The following SAMD9 variants were observed in gnomAD, a reference collection of about 807,000 sequenced individuals.
The protein encoded by SAMD9 is sterile alpha motif domain containing 9, also known as sterile alpha motif domain-containing protein 9.
A neutral mutation model predicts 1.5 loss-of-function variants in SAMD9; 3 were observed. That is an observed-to-expected ratio of 2.05 (90% confidence interval 0.93 to 5.29). SAMD9 has a LOEUF of 5.29. Ranked by LOEUF, SAMD9 falls within the 30% of genes most tolerant of loss-of-function variation. SAMD9 has a pLI of 0.02. For missense variants in SAMD9, 1,597 were observed against 1,820.8 expected (o/e 0.88, Z 2.24); for synonymous variants, 635 against 631.9 (o/e 1.00, Z -0.07).
Position 93,103,499 on chromosome 7 carries a change from G to C in SAMD9, c.2599C>G (p.Leu867Val). 6.2e-7 allele frequency: 1 copy of C among 1,613,570 alleles called. No individual in the cohort carries two copies. The highest frequency in any genetic ancestry group is 8.5e-7 in the Non-Finnish European group (1 of 1,179,664). ...LSPKEQRAFELKLKEIKEQHK... is the reference protein window; with the variant it reads ...LSPKEQRAFEVKLKEIKEQHK... The stretch of plus-strand genomic sequence containing the variant: ...TGTTCTTTGATTTCTTTCAATTTAA[G>C]CTCAAAAGCTCTCTGTTCTTTGGGA... The change falls in exon 3 of 3, where the codon CTT becomes GTT. Residue 867 changes from leucine (L) to valine (V), a missense_variant. By Grantham distance (32) the Leu-to-Val change is conservative. Transcript: ENST00000379958.
At position 93,102,923 on chromosome 7, in the gene SAMD9, G is replaced by A. The variant is rs756066590; in HGVS notation, c.3175C>T (p.His1059Tyr). 7.4e-6 allele frequency: 12 copies of A among 1,613,836 alleles called. No individual in the cohort carries two copies. Among genetic ancestry groups the A allele is most frequent in the East Asian group, 4.5e-5 (2 of 44,880 alleles). ...NWFSPFIEAL[H>Y]KDEGNEAVEA... is the part of the protein sequence containing the mutation. ...ACTGCTTCATTTCCTTCATCTTTAT[G>A]TAATGCTTCAATAAATGGGGAAAAC... Residue 1059 changes from histidine (H) to tyrosine (Y), a missense_variant, in exon 3 of 3, where the codon CAT becomes TAT. Coordinates refer to ENST00000379958, the MANE Select transcript of SAMD9 (RefSeq NM_017654.4).
Position 93,103,334 on chromosome 7 carries a change from C to T in SAMD9, c.2764G>A (p.Ala922Thr), listed in dbSNP as rs369626579. The T allele has an allele frequency of 1.6e-5, 26 of 1,613,448 alleles. No homozygotes were observed. The highest frequency in any genetic ancestry group is 2.2e-5 in the Non-Finnish European group (26 of 1,179,618). ...TKEAKLFSFL[A>T]LLNSYVPDTT... ...TCAGGCACATATGAATTAAGAAGAG[C>T]CAGAAAAGAAAAGAGCTTTGCTTCC... The change falls in exon 3 of 3, where the codon GCT becomes ACT. Residue 922 changes from alanine (A) to threonine (T), a missense_variant. Ala to Thr is a moderately conservative substitution (Grantham distance 58). Around this residue, in one of 6 missense-constraint regions of SAMD9, gnomAD observed 682 missense variants for 810.0 expected, o/e 0.84. Transcript: ENST00000379958.
chr7:93,108,148 C>A (rs1791675342), intron 2 of SAMD9, among the ~76,000 whole-genome samples: 6 of 152,180 alleles, frequency 3.9e-5, no homozygotes, highest in Admixed American at 3.9e-4. Flanking sequence ...CCGTGCCTTG[C>A]CGTGCCTCGC....
Position 93,105,526 on chromosome 7 carries a change from A to C in SAMD9, c.572T>G (p.Ile191Ser). The C allele has an allele frequency of 1.2e-6, 2 of 1,614,108 alleles. No individual in the cohort carries two copies. The highest frequency in any genetic ancestry group is 2.2e-5 in the South Asian group (2 of 91,080). The change falls in exon 3 of 3, where the codon ATT becomes AGT. Residue 191 changes from isoleucine (I) to serine (S), a missense_variant. By Grantham distance (142) the Ile-to-Ser change is moderately radical. Coordinates refer to ENST00000379958, the MANE Select transcript of SAMD9 (RefSeq NM_017654.4). ...LQPETGPGNL[I>S]DPIHEFKAFT... ...GGCTTTGAATTCATGTATCGGATCA[A>C]TGAGATTGCCTGGTCCTGTTTCAGG...
At position 93,104,961 on chromosome 7, in the gene SAMD9, T is replaced by G. The variant is rs779477356; in HGVS notation, c.1137A>C (p.Lys379Asn). ...LAESRKAAEE[K>N]FRAKTNKKER... is the part of the protein sequence containing the mutation. ...CTTTTTTATTTGTTTTTGCTCTGAA[T>G]TTTTCTTCTGCTGCTTTTCTGGACT... The change falls in exon 3 of 3, where the codon AAA becomes AAC. Residue 379 changes from lysine (K) to asparagine (N), a missense_variant. By Grantham distance (94) the Lys-to-Asn change is moderately conservative. Coordinates refer to ENST00000379958, the MANE Select transcript of SAMD9 (RefSeq NM_017654.4). 9.3e-6 allele frequency: 15 copies of G among 1,611,260 alleles called. No homozygotes were observed. Among genetic ancestry groups the G allele is most frequent in the Non-Finnish European group, 1.3e-5 (15 of 1,179,306 alleles).
chr7:93,109,258 G>A (rs1017969960), intron 2 of SAMD9, among the ~76,000 whole-genome samples: 1 of 152,088 alleles, frequency 6.6e-6, no homozygotes, highest in African/African-American at 2.4e-5. Context: ...AGAAGGAAAA[G>A]TAACAAACAG....
Position 93,101,350 on chromosome 7 carries a change from G to A in SAMD9, c.4748C>T (p.Ala1583Val), listed in dbSNP as rs771600651. 3.7e-6 allele frequency: 6 copies of A among 1,612,504 alleles called. No individual in the cohort carries two copies. Among genetic ancestry groups the A allele is most frequent in the African/African-American group, 1.3e-5 (1 of 75,026 alleles). The change falls in exon 3 of 3, where the codon GCT becomes GTT. Residue 1583 changes from alanine (A) to valine (V), a missense_variant. Around this residue, in one of 6 missense-constraint regions of SAMD9, gnomAD observed 682 missense variants for 810.0 expected, o/e 0.84. Transcript: ENST00000379958. Reference sequence around the variant, plus strand: ...CTCTTAAACAATTTCAATGTCATAAGCAAGTGGGCCTCCAATGGAAAATCC... The same window carrying A: ...CTCTTAAACAATTTCAATGTCATAAACAAGTGGGCCTCCAATGGAAAATCC... ...YLGFSIGGPLAYDIEIV is the reference protein window; with the variant it reads ...YLGFSIGGPLVYDIEIV
In SAMD9 at chr7:93,101,994, T is replaced by G; in HGVS notation, c.4104A>C (p.Glu1368Asp). Residue 1368 changes from glutamate to aspartate, a missense_variant, in exon 3 of 3, where the codon GAA (glutamate) becomes GAC (aspartate). Glu to Asp is a conservative substitution (Grantham distance 45). Around this residue, in one of 6 missense-constraint regions of SAMD9, gnomAD observed 682 missense variants for 810.0 expected, o/e 0.84. Coordinates refer to ENST00000379958, the MANE Select transcript of SAMD9 (RefSeq NM_017654.4). The stretch of plus-strand genomic sequence containing the variant: ...TGCATTGTTCTAAGAGAAAAGTATA[T>G]TCGTTCACTATACATTTCATAGTGC... The part of the protein sequence containing the change: ...AISTMKCIVN[E>D]YTFLLEQCTV... 1 of 1,613,710 alleles carries G rather than the reference T, an allele frequency of 6.2e-7. No homozygotes were observed. Among genetic ancestry groups the G allele is most frequent in the Non-Finnish European group, 8.5e-7 (1 of 1,179,718 alleles).
At chr7:93,111,339 C>T (rs1273208460) in intron 2 of SAMD9, among the ~76,000 whole-genome samples, 1 of 152,138 alleles carries the variant, frequency 6.6e-6, no homozygotes, top group Non-Finnish European at 1.5e-5. Flanking sequence ...CACTAAATGC[C>T]CACAGGAGAT....
chr7:93,104,192 C>A lies in SAMD9; in HGVS notation c.1906G>T (p.Gly636Cys), dbSNP rs529506807. The A allele has an allele frequency of 6.2e-7, 1 of 1,613,782 alleles. No individual in the cohort carries two copies. The highest frequency in any genetic ancestry group is 1.3e-5 in the African/African-American group (1 of 75,008). The change falls in exon 3 of 3, where the codon GGT becomes TGT. Residue 636 changes from glycine (G) to cysteine (C), a missense_variant. This residue lies in a region of SAMD9 where 358 missense variants were observed against 460.4 expected (regional missense o/e 0.78). Transcript: ENST00000379958. Reference sequence around the variant, plus strand: ...TTTTTCAGAAGGACAGTCGATAAACCAATAGATGGCAAAAGCCTTTTTGAA... The same window carrying A: ...TTTTTCAGAAGGACAGTCGATAAACAAATAGATGGCAAAAGCCTTTTTGAA... ...QSSKRLLPSI[G>C]LSTVLLKKEE...
chr7:93,115,898 T>C (rs1791824652), intron 1 of SAMD9, among the ~76,000 whole-genome samples: 2 of 152,160 alleles, frequency 1.3e-5, no homozygotes, highest in African/African-American at 4.8e-5. Context: ...GGTTTTAGAG[T>C]TGTCTAAAAA....
At chr7:93,117,188 G>A (rs1297537772) in intron 1 of SAMD9, among the ~76,000 whole-genome samples, 1 of 152,186 alleles carries the variant, frequency 6.6e-6, no homozygotes, top group Non-Finnish European at 1.5e-5. Flanking sequence ...AGAGTAGATG[G>A]TGGAAGTTGT....
At position 93,102,871 on chromosome 7, in the gene SAMD9, T is replaced by C. The variant is rs1273026568; in HGVS notation, c.3227A>G (p.His1076Arg). Residue 1076 changes from histidine (H) to arginine (R), a missense_variant, in exon 3 of 3, where the codon CAT becomes CGT. By Grantham distance (29) the His-to-Arg change is conservative (BLOSUM62 0). Transcript: ENST00000379958. ...AATGAATGCATTTGGGTTGAACCGA[T>C]GGATACTTTCAAGCAATACAGCTTC... Reference protein sequence around the residue: ...AVEAVLLESIHRFNPNAFICQ... With the variant: ...AVEAVLLESIRRFNPNAFICQ... 7 of 1,613,732 alleles carry C rather than the reference T, an allele frequency of 4.3e-6. No individual in the cohort carries two copies. Among genetic ancestry groups the C allele is most frequent in the Middle Eastern group, 1.6e-4 (1 of 6,084 alleles).
At chr7:93,117,525 T>C (rs1331072975) in intron 1 of SAMD9, among the ~76,000 whole-genome samples, 2 of 152,098 alleles carry the variant, frequency 1.3e-5, no homozygotes, top group African/African-American at 4.8e-5. Flanking sequence ...CCTCAAACAA[T>C]TCTCCTGTCC....
In SAMD9 at chr7:93,103,870, C is replaced by G. The variant is rs1409990491; in HGVS notation, c.2228G>C (p.Gly743Ala). The G allele has an allele frequency of 3.1e-6, 5 of 1,613,824 alleles. No individual in the cohort carries two copies. Among genetic ancestry groups the G allele is most frequent in the African/African-American group, 1.3e-5 (1 of 74,898 alleles). The stretch of plus-strand genomic sequence containing the variant: ...GAGAATGTGCATAGCCAAGGTAGTT[C>G]CCCCACAGCCTGGATGATGATACAG... ...IHLYHHPGCGGTTLAMHILWE... is the reference protein window; with the variant it reads ...IHLYHHPGCGATTLAMHILWE... The change falls in exon 3 of 3, where the codon GGA (glycine) becomes GCA (alanine). Residue 743 changes from glycine (G) to alanine (A), a missense_variant. Transcript: ENST00000379958.
intron 1 of SAMD9, among the ~76,000 whole-genome samples, chr7:93,116,332 G>C (rs1188738017): frequency 1.3e-5 from 2 of 152,148 alleles, no homozygotes; most frequent in Admixed American, 6.6e-5. Context: ...AAGAGTGTGG[G>C]GGATGGAGAA....
chr7:93,108,745 C>A (rs6957832), intron 2 of SAMD9, among the ~76,000 whole-genome samples: 3 of 151,990 alleles, frequency 2.0e-5, no homozygotes, highest in Admixed American at 1.3e-4. Flanking sequence ...CGGCAGCAAG[C>A]CTGGGGGAGG....
In SAMD9 at chr7:93,102,268, A is replaced by T; in HGVS notation, c.3830T>A (p.Leu1277Gln). 1 of 1,613,296 alleles carries T rather than the reference A, an allele frequency of 6.2e-7. No individual in the cohort carries two copies. Among genetic ancestry groups the T allele is most frequent in the Non-Finnish European group, 8.5e-7 (1 of 1,179,360 alleles). ...SFDFFDEYFV[L>Q]LKPRNNIKQN... The stretch of plus-strand genomic sequence containing the variant: ...CTTAATATTGTTCCTGGGTTTTAGC[A>T]GGACAAAGTATTCATCAAAAAAATC... Residue 1277 changes from leucine (L) to glutamine (Q), a missense_variant, in exon 3 of 3, where the codon CTG becomes CAG. Transcript: ENST00000379958.
chr7:93,104,628 GC>G lies in SAMD9; in HGVS notation c.1469del (p.Ser490ThrfsTer9). The G allele has an allele frequency of 6.2e-7, 1 of 1,614,048 alleles. No individual in the cohort carries two copies. Among genetic ancestry groups the G allele is most frequent in the Non-Finnish European group, 8.5e-7 (1 of 1,179,944 alleles). On this transcript the variant is annotated frameshift_variant, in exon 3 of 3. Coordinates refer to ENST00000379958, the MANE Select transcript of SAMD9 (RefSeq NM_017654.4). LOFTEE classifies it low-confidence loss of function (END_TRUNC). ...CTAACCTGCCATTGCAGAAAATCCA[GC>G]TGGGTTGATGGTAAAGATTTAGAGT... ...ISTLNLYHQPSWIFCNGRLDL... is the reference protein window; with the variant it reads ...ISTLNLYHQPXWIFCNGRLDL...
Sources: gnomAD v4.1 joint callset for allele counts (sites outside exome capture counted in the v4.1 genomes callset) on GRCh38, gnomAD v4.1.1 for gene constraint, gnomAD v4.1.1 regional missense constraint, MANE v1.5 for transcripts, NCBI Gene and HGNC (gene_info 2026-07-23, HGNC 2026-07-21) for gene names.